INVS: variants seen among roughly 807,000 people sequenced by gnomAD.
INVS encodes the protein inversin, also known as inversion of embryo turning homolog.
A neutral mutation model predicts 108.8 loss-of-function variants in INVS; 86 were observed. The observed-to-expected ratio is 0.79, with a 90% CI of 0.66 to 0.95. The LOEUF (loss-of-function observed/expected upper bound fraction) is 0.95, where lower values mean the gene tolerates loss of function less well. Ranked by LOEUF, INVS falls within the 40% of genes least tolerant of loss-of-function variation. The pLI is 0.00. For missense variants in INVS, 1,169 were observed against 1,297.4 expected, an observed-to-expected ratio of 0.90 and a Z score of 1.52; for synonymous variants, 455 against 473.5, an observed-to-expected ratio of 0.96 and a Z score of 0.51.
At chr9:100,140,514 C>T (rs1564129341) in intron 3 of INVS, among the ~76,000 whole-genome samples, 1 of 152,084 alleles carries the variant, frequency 6.6e-6, no homozygotes, top group African/African-American at 2.4e-5. Flanking sequence ...TCAGTTAAGG[C>T]AGGAACCGGC....
chr9:100,284,637 C>T, intron 13 of INVS, 34 bp downstream of exon 13: 1 of 1,604,506 alleles, frequency 6.2e-7, no homozygotes, highest in Non-Finnish European at 8.5e-7. Flanking sequence ...TTCTGCCGGC[C>T]CATGGACTGT....
chr9:100,205,718 C>T (rs1040940001), intron 3 of INVS, among the ~76,000 whole-genome samples: 4 of 151,790 alleles, frequency 2.6e-5, no homozygotes, highest in Middle Eastern at 3.4e-3. Flanking sequence ...ACTTTACAAA[C>T]CACTCACATA....
At chr9:100,213,992 C>G (rs1377980861) in intron 3 of INVS, among the ~76,000 whole-genome samples, 1 of 152,160 alleles carries the variant, frequency 6.6e-6, no homozygotes, top group East Asian at 1.9e-4. Context: ...CATCCCTCAG[C>G]CCAGCATTGT....
chr9:100,132,621 G>A (rs1266560201), intron 3 of INVS, among the ~76,000 whole-genome samples: 1 of 152,158 alleles, frequency 6.6e-6, no homozygotes, highest in African/African-American at 2.4e-5. Context: ...TCAAATTACT[G>A]TTTAGAGATC....
intron 3 of INVS, among the ~76,000 whole-genome samples, chr9:100,197,215 G>T (rs1365436880): frequency 6.6e-6 from 1 of 152,034 alleles, no homozygotes; most frequent in African/African-American, 2.4e-5. Flanking sequence ...ACATAACTCA[G>T]GGAAACATGT....
chr9:100,182,725 T>A (rs1382822568), intron 3 of INVS, among the ~76,000 whole-genome samples: 1 of 152,170 alleles, frequency 6.6e-6, no homozygotes, highest in African/African-American at 2.4e-5. Flanking sequence ...GTGTGGCGAT[T>A]CCTCAAGGAT....
At chr9:100,214,671 A>C (rs186622930) in intron 3 of INVS, among the ~76,000 whole-genome samples, 95 of 152,344 alleles carry the variant, frequency 6.2e-4, no homozygotes, top group Non-Finnish European at 1.0e-3. Flanking sequence ...AGGAGCTGTC[A>C]TTGATGGTAT....
rs186301987 is a variant in INVS, at chr9:100,168,180, G to A, written c.273+41631G>A. 2.6e-5 allele frequency among the ~76,000 whole-genome samples: 4 copies of A among 152,192 alleles called. No homozygotes were observed. The East Asian group carries it at 7.7e-4, about 29-fold the overall frequency. On this transcript the variant is annotated intron_variant, in intron 3 of 16. Transcript: ENST00000262457. ...CTCCAGAATGTTTGTATTGACAAAT[G>A]GCAGTCAGTTATTGACATTTTTATC...
intron 8 of INVS, among the ~76,000 whole-genome samples, chr9:100,248,623 G>A (rs997597933): frequency 6.6e-6 from 1 of 152,104 alleles, no homozygotes; most frequent in African/African-American, 2.4e-5. Flanking sequence ...ATTTCTATTA[G>A]TATTTTTTAG....
At chr9:100,135,471 C>T (rs1300471761) in intron 3 of INVS, among the ~76,000 whole-genome samples, 1 of 152,210 alleles carries the variant, frequency 6.6e-6, no homozygotes, top group Non-Finnish European at 1.5e-5. Flanking sequence ...ATCTAACAAG[C>T]TCCCAGGTGA....
intron 2 of INVS, among the ~76,000 whole-genome samples, chr9:100,118,078 T>C (rs1276375856): frequency 6.6e-6 from 1 of 151,650 alleles, no homozygotes; most frequent in Non-Finnish European, 1.5e-5. Flanking sequence ...TCTTTTTTTT[T>C]TTTTTTAGAT....
At position 100,253,024 on chromosome 9, in the gene INVS, T is replaced by C. The variant is rs1265892247; in HGVS notation, c.1352T>C (p.Val451Ala). The C allele has an allele frequency of 2.5e-6, 4 of 1,613,800 alleles. No individual in the cohort carries two copies. In the African/African-American group the frequency reaches 5.3e-5, roughly 22 times the overall value. ...ATAGAAAATAAGATCAATCCAAATGTCCAGGATTATGCAGGAAGAACCCCT... is the reference window on the plus strand; with the variant it reads ...ATAGAAAATAAGATCAATCCAAATGCCCAGGATTATGCAGGAAGAACCCCT... The part of the protein sequence containing the change: ...ILIENKINPN[V>A]QDYAGRTPLQ... The change falls in exon 10 of 17, where the codon GTC becomes GCC. Residue 451 changes from valine to alanine, a missense_variant. Transcript: ENST00000262457.
In INVS at chr9:100,252,323, G is replaced by A. The variant is rs750752575; in HGVS notation, c.1119G>A (p.Val373=). 3.7e-6 allele frequency: 6 copies of A among 1,614,052 alleles called. No homozygotes were observed. In the South Asian group the frequency reaches 6.6e-5, roughly 18 times the overall value. ...CTCTTTCTGGCCATGTCAGCACCGT[G>A]AAGTTATTACTGGAAAATAATGCTC... is the stretch of plus-strand genomic sequence containing the variant. ...AAALSGHVST[V]KLLLENNAQV... Residue 373 remains valine (V), a synonymous_variant, in exon 9 of 17, where the codon GTG becomes GTA. Coordinates refer to ENST00000262457, the MANE Select transcript of INVS (RefSeq NM_014425.5).
intron 15 of INVS, among the ~76,000 whole-genome samples, chr9:100,297,437 A>C (rs1339744839): frequency 6.6e-6 from 1 of 152,058 alleles, no homozygotes; most frequent in Non-Finnish European, 1.5e-5. Flanking sequence ...TTACTGTTTA[A>C]ACCTCTCCAG....
At chr9:100,246,833 A>C (rs1329597383) in intron 8 of INVS, 46 bp downstream of exon 8, 1 of 1,519,014 alleles carries the variant, frequency 6.6e-7, no homozygotes, top group African/African-American at 1.4e-5. Flanking sequence ...TTAGGTTCCA[A>C]AGTGTAGATG....
chr9:100,241,956 C>T (rs575106711), intron 6 of INVS, among the ~76,000 whole-genome samples: 1 of 152,306 alleles, frequency 6.6e-6, no homozygotes, highest in East Asian at 1.9e-4. Context: ...GTGGAGATCA[C>T]ATCCTCCAGA....
chr9:100,208,642 C>G (rs1830743121), intron 3 of INVS, among the ~76,000 whole-genome samples: 1 of 152,064 alleles, frequency 6.6e-6, no homozygotes, highest in Non-Finnish European at 1.5e-5. Context: ...AAAGATGGAG[C>G]CTACAAGACT....
Position 100,272,951 on chromosome 9 carries a change from C to T in INVS, c.1659C>T (p.Ala553=). ...MLEHGALSIA[A]IQDIAAFKIQ... is the part of the protein sequence containing the mutation. ...AGCACGGTGCCCTGTCCATCGCAGC[C>T]ATACAAGACATCGCCGCCTTCAAAA... Residue 553 remains alanine, a synonymous_variant, in exon 12 of 17, where the codon GCC becomes GCT. Coordinates refer to ENST00000262457, the MANE Select transcript of INVS (RefSeq NM_014425.5). 6.2e-7 allele frequency: 1 copy of T among 1,614,034 alleles called. No homozygotes were observed. The highest frequency in any genetic ancestry group is 8.5e-7 in the Non-Finnish European group (1 of 1,179,998).
intron 3 of INVS, among the ~76,000 whole-genome samples, chr9:100,137,356 T>C (rs890060562): frequency 3.9e-5 from 6 of 152,176 alleles, no homozygotes; most frequent in Non-Finnish European, 8.8e-5. Context: ...TTGGTTCCAT[T>C]AAACTCCTAA....
Sources: allele counts gnomAD v4.1 joint callset (sites outside exome capture counted in the v4.1 genomes callset), GRCh38; gene constraint gnomAD v4.1.1; transcripts MANE v1.5; gene names NCBI Gene and HGNC (gene_info 2026-07-23, HGNC 2026-07-21).